The following KIAA1549 variants were observed in gnomAD, a reference collection of about 807,000 sequenced individuals.
The protein encoded by KIAA1549 is KIAA1549, also known as UPF0606 protein KIAA1549.
In KIAA1549, 70 loss-of-function variants were observed where a neutral mutation model predicts 156.4. The observed-to-expected ratio is 0.45, with a 90% CI of 0.37 to 0.55. KIAA1549 has a LOEUF of 0.55. Among genes scored for constraint, KIAA1549 ranks in the 20% least tolerant of loss-of-function variants. The probability of loss-of-function intolerance (pLI) is 0.00; values close to 1 mark genes in which losing one functional copy is unlikely to be tolerated. For synonymous variants in KIAA1549, 1,103 were observed against 1,066.4 expected (o/e 1.03, Z -0.67); for missense variants, 2,428 against 2,540.9 (o/e 0.96, Z 0.96).
intron 1 of KIAA1549, among the ~76,000 whole-genome samples, chr7:138,980,555 C>T (rs1444744521): frequency 1.3e-5 from 2 of 152,186 alleles, no homozygotes; most frequent in Non-Finnish European, 2.9e-5. Flanking sequence ...GGGCGCTTTC[C>T]AAGAGGTTTT....
chr7:138,956,476 C>T lies in KIAA1549; in HGVS notation c.187+24607G>A, dbSNP rs578087078. ...AATTCCCATGTGTTGTGGGAGGGAT[C>T]TGGTGGAAGATAATTGAATCGTGGG... On this transcript the variant is annotated intron_variant, in intron 1 of 19. Coordinates refer to ENST00000422774, the MANE Select transcript of KIAA1549 (RefSeq NM_001164665.2). Among the ~76,000 whole-genome samples, 15 of 152,308 alleles carry T rather than the reference C, an allele frequency of 9.8e-5. 1 individual carries two copies. The East Asian group carries it at 2.9e-3, about 29-fold the overall frequency.
intron 5 of KIAA1549, among the ~76,000 whole-genome samples, chr7:138,907,348 C>A (rs1181966489): frequency 6.6e-6 from 1 of 152,190 alleles, no homozygotes; most frequent in Admixed American, 6.5e-5. Flanking sequence ...CCAAATGCCA[C>A]TGAAATAACA....
rs528016022 is a variant in KIAA1549, at chr7:138,879,664, A to G, written c.4230-11T>C. 21 of 1,434,424 alleles carry G rather than the reference A, an allele frequency of 1.5e-5. No homozygotes were observed. In the African/African-American group the frequency reaches 2.8e-4, roughly 19 times the overall value. The allele number at this position is 1,434,424 out of a possible 1,614,324, so 88.9% of individuals were successfully genotyped here. On this transcript the variant is annotated splice_polypyrimidine_tract_variant and intron_variant, in intron 11 of 19. Transcript: ENST00000422774. ...TCTGAGGGAGAAACTCTGCAGACAC[A>G]AAATGAATTGCAAACATTAGAAACA...
intron 18 of KIAA1549, among the ~76,000 whole-genome samples, chr7:138,841,272 G>A (rs566103277): frequency 6.6e-6 from 1 of 152,146 alleles, no homozygotes; most frequent in African/African-American, 2.4e-5. Flanking sequence ...GGCAGAATAC[G>A]TATCTATTTA....
intron 1 of KIAA1549, among the ~76,000 whole-genome samples, chr7:138,942,029 A>C (rs1813197862): frequency 6.6e-6 from 1 of 151,944 alleles, no homozygotes; most frequent in African/African-American, 2.4e-5. Flanking sequence ...GCCAATAGCC[A>C]CCCTCTCCCA....
chr7:138,924,621 C>T (rs1261432830), intron 1 of KIAA1549, among the ~76,000 whole-genome samples: 2 of 152,058 alleles, frequency 1.3e-5, no homozygotes, highest in Non-Finnish European at 2.9e-5. Context: ...ACAAAAACTT[C>T]GTATTAAGAA....
intron 2 of KIAA1549, among the ~76,000 whole-genome samples, chr7:138,912,989 C>T (rs1325324327): frequency 1.3e-5 from 2 of 152,206 alleles, no homozygotes; most frequent in African/African-American, 4.8e-5. Flanking sequence ...ATTCTCCTGC[C>T]TCAGCCTCCT....
chr7:138,903,491 G>T, intron 8 of KIAA1549, 97 bp downstream of exon 8: 1 of 1,245,606 alleles, frequency 8.0e-7, no homozygotes. Flanking sequence ...CTTCTCATTT[G>T]CATAAAAATA....
intron 1 of KIAA1549, among the ~76,000 whole-genome samples, chr7:138,940,553 T>C (rs1294781143): frequency 6.6e-6 from 1 of 151,708 alleles, no homozygotes; most frequent in African/African-American, 2.4e-5. Flanking sequence ...CTGGGTCAAA[T>C]GGTATTTCTA....
chr7:138,852,801 A>G (rs1810272456), intron 16 of KIAA1549, among the ~76,000 whole-genome samples: 1 of 152,242 alleles, frequency 6.6e-6, no homozygotes, highest in Non-Finnish European at 1.5e-5. Context: ...ACCAGAAACT[A>G]GAGAGACTCT....
intron 17 of KIAA1549, among the ~76,000 whole-genome samples, chr7:138,850,573 C>A (rs536717741): frequency 8.5e-5 from 13 of 152,088 alleles, no homozygotes; most frequent in Non-Finnish European, 1.8e-4. Context: ...CTTATAGATG[C>A]TGGATATTAA....
chr7:138,900,498 C>T (rs763587769), intron 8 of KIAA1549, among the ~76,000 whole-genome samples: 11 of 152,196 alleles, frequency 7.2e-5, no homozygotes, highest in Non-Finnish European at 1.2e-4. Flanking sequence ...CTAGAAATCA[C>T]AGTCCCCAAA....
intron 19 of KIAA1549, among the ~76,000 whole-genome samples, chr7:138,839,551 C>T (rs1001262287): frequency 1.3e-5 from 2 of 152,080 alleles, no homozygotes; most frequent in East Asian, 1.9e-4. Flanking sequence ...ACAGCAATCC[C>T]GCCAAACATG....
intron 6 of KIAA1549, among the ~76,000 whole-genome samples, chr7:138,905,699 A>C (rs1241125446): frequency 1.3e-5 from 2 of 151,994 alleles, no homozygotes. Flanking sequence ...TCAACTCTGG[A>C]ATCTACTATT....
At chr7:138,890,507 C>A (rs1025341952) in intron 10 of KIAA1549, among the ~76,000 whole-genome samples, 2 of 152,234 alleles carry the variant, frequency 1.3e-5, no homozygotes, top group African/African-American at 4.8e-5. Flanking sequence ...TGTTTGTCTT[C>A]AGTGCAGCCC....
intron 9 of KIAA1549, among the ~76,000 whole-genome samples, chr7:138,896,347 A>G (rs1396020777): frequency 6.6e-6 from 1 of 152,190 alleles, no homozygotes; most frequent in Non-Finnish European, 1.5e-5. Context: ...GGGAGTGGCA[A>G]GGGAGGGAGC....
intron 12 of KIAA1549, among the ~76,000 whole-genome samples, chr7:138,873,822 G>A (rs1259702167): frequency 6.6e-6 from 1 of 151,718 alleles, no homozygotes; most frequent in African/African-American, 2.4e-5. Flanking sequence ...GGACCAAGCG[G>A]AGGAGAGGAA....
At chr7:138,960,875 C>G (rs1041291321) in intron 1 of KIAA1549, among the ~76,000 whole-genome samples, 13 of 152,226 alleles carry the variant, frequency 8.5e-5, no homozygotes, top group Admixed American at 7.2e-4. Context: ...GAAGCAAAGT[C>G]TCCAGGAACA....
chr7:138,867,866 G>T, intron 15 of KIAA1549, 109 bp downstream of exon 15: 1 of 1,223,408 alleles, frequency 8.2e-7, no homozygotes, highest in Non-Finnish European at 1.1e-6. Flanking sequence ...ATCAGGCACT[G>T]ATACCACACA....
Sources: gnomAD v4.1 joint callset for allele counts (sites outside exome capture counted in the v4.1 genomes callset) on GRCh38, gnomAD v4.1.1 for gene constraint, MANE v1.5 for transcripts, NCBI Gene and HGNC (gene_info 2026-07-23, HGNC 2026-07-21) for gene names.